CCNY: variants seen among roughly 807,000 people sequenced by gnomAD.
CCNY encodes the protein cyclin-Y.
In CCNY, 19 loss-of-function variants were observed where a neutral mutation model predicts 42.8. That is an observed-to-expected ratio of 0.44 (90% CI 0.31 to 0.65). CCNY has a LOEUF of 0.65. Among genes scored for constraint, CCNY ranks in the 30% least tolerant of loss-of-function variants. The pLI, the probability that CCNY is intolerant of heterozygous loss-of-function variation, is 0.07. For synonymous variants in CCNY, 165 were observed against 162.7 expected (o/e 1.01, Z -0.11); for missense variants, 370 against 437.3 (o/e 0.85, Z 1.37).
At chr10:35,309,618 A>G (rs961804298) in intron 3 of CCNY, among the ~76,000 whole-genome samples, 2 of 151,798 alleles carry the variant, frequency 1.3e-5, no homozygotes, top group Non-Finnish European at 2.9e-5. Flanking sequence ...ATGAGGTCTC[A>G]CTATGTTGCT....
intron 1 of CCNY, among the ~76,000 whole-genome samples, chr10:35,465,940 T>TGA: frequency 1.2e-5 from 1 of 86,686 alleles, no homozygotes; most frequent in South Asian, 3.6e-4. Flanking sequence ...AGAGAGAGAG[T>TGA]GTGTGTGTGT....
intron 8 of CCNY, among the ~76,000 whole-genome samples, chr10:35,560,846 G>C (rs1841451788): frequency 6.6e-6 from 1 of 152,144 alleles, no homozygotes; most frequent in South Asian, 2.1e-4. Context: ...AGGAATTGGT[G>C]GAATTGGACA....
At chr10:35,413,950 C>T (rs1837968688) in intron 1 of CCNY, among the ~76,000 whole-genome samples, 1 of 152,230 alleles carries the variant, frequency 6.6e-6, no homozygotes, top group Non-Finnish European at 1.5e-5. Flanking sequence ...AGCAGAGCCA[C>T]TGAGGCTGAC....
chr10:35,318,968 A>G (rs1247982720), intron 3 of CCNY, among the ~76,000 whole-genome samples: 1 of 151,914 alleles, frequency 6.6e-6, no homozygotes, highest in Non-Finnish European at 1.5e-5. Flanking sequence ...GATTTTCTAT[A>G]GTTTATTTTT....
At position 35,482,312 on chromosome 10, in the gene CCNY, T is replaced by A. The variant is rs545927613; in HGVS notation, c.155-1092T>A. Reference sequence around the variant, plus strand: ...TTTCTCTGCAAATTTATTGAAATAATTGAACCCAAGAAGTTTTATTCTGAC... The same window carrying A: ...TTTCTCTGCAAATTTATTGAAATAAATGAACCCAAGAAGTTTTATTCTGAC... On this transcript the variant is annotated intron_variant, in intron 1 of 9. Coordinates refer to ENST00000374704, the MANE Select transcript of CCNY (RefSeq NM_145012.6). 2.6e-5 allele frequency among the ~76,000 whole-genome samples: 4 copies of A among 152,366 alleles called. No individual in the cohort carries two copies. The South Asian group carries it at 8.3e-4, about 32-fold the overall frequency.
chr10:35,408,894 C>G (rs763736650), intron 1 of CCNY, among the ~76,000 whole-genome samples: 5 of 151,446 alleles, frequency 3.3e-5, no homozygotes, highest in Non-Finnish European at 7.4e-5. Context: ...ATTATTTCAT[C>G]ATAAATGCCT....
intron 1 of CCNY, among the ~76,000 whole-genome samples, chr10:35,429,198 T>A (rs1012733792): frequency 5.9e-5 from 9 of 152,210 alleles, no homozygotes; most frequent in Non-Finnish European, 1.0e-4. Context: ...TGAAACAGAT[T>A]GAACGCTGAA....
chr10:35,442,193 T>A (rs1377050991), intron 1 of CCNY, among the ~76,000 whole-genome samples: 2 of 152,118 alleles, frequency 1.3e-5, no homozygotes, highest in Non-Finnish European at 2.9e-5. Flanking sequence ...CCTGTTTGCG[T>A]TGGAGTGATG....
intron 3 of CCNY, among the ~76,000 whole-genome samples, chr10:35,275,782 T>A (rs1464618374): frequency 1.3e-5 from 2 of 150,572 alleles, no homozygotes; most frequent in Admixed American, 1.3e-4. Context: ...AAAGAGTGTG[T>A]CCAGTCTTAT....
chr10:35,432,781 G>T (rs1286034948), intron 1 of CCNY, among the ~76,000 whole-genome samples: 1 of 152,180 alleles, frequency 6.6e-6, no homozygotes, highest in Non-Finnish European at 1.5e-5. Flanking sequence ...TAACTTTTCT[G>T]TTCTCCCTAG....
chr10:35,264,232 C>CT (rs200963801), intron 3 of CCNY, among the ~76,000 whole-genome samples: 5 of 151,376 alleles, frequency 3.3e-5, no homozygotes, highest in East Asian at 3.9e-4. Context: ...GTATTTCTTT[C>CT]TTTTTTTTTA....
chr10:35,439,804 T>C (rs1294619264), intron 1 of CCNY, among the ~76,000 whole-genome samples: 1 of 152,122 alleles, frequency 6.6e-6, no homozygotes, highest in Non-Finnish European at 1.5e-5. Flanking sequence ...CAGAGGATGG[T>C]GGGCCACTCC....
At chr10:35,333,197 G>A (rs1359011428), upstream of CCNY, among the ~76,000 whole-genome samples, 1 of 152,090 alleles carries the variant, frequency 6.6e-6, no homozygotes, top group Non-Finnish European at 1.5e-5. Context: ...TGCTCAGTGT[G>A]TACCTCTCCC....
At chr10:35,270,686 C>A (rs987905856) in intron 3 of CCNY, among the ~76,000 whole-genome samples, 3 of 151,750 alleles carry the variant, frequency 2.0e-5, no homozygotes, top group African/African-American at 7.3e-5. Flanking sequence ...GAATCTCTAC[C>A]CCTTTTCGCA....
chr10:35,526,800 A>C (rs1406017525), intron 5 of CCNY, among the ~76,000 whole-genome samples: 1 of 151,988 alleles, frequency 6.6e-6, no homozygotes, highest in Non-Finnish European at 1.5e-5. Flanking sequence ...CTTTTATCGG[A>C]TCTTTCCAAA....
At chr10:35,555,529 G>T (rs1841346385) in intron 8 of CCNY, among the ~76,000 whole-genome samples, 1 of 152,154 alleles carries the variant, frequency 6.6e-6, no homozygotes, top group South Asian at 2.1e-4. Context: ...CAAAAGAAAT[G>T]ATTTTTCTGC....
At chr10:35,398,930 A>G (rs1232076403) in intron 1 of CCNY, among the ~76,000 whole-genome samples, 1 of 152,242 alleles carries the variant, frequency 6.6e-6, no homozygotes, top group Admixed American at 6.5e-5. Flanking sequence ...CTTGCCTGAC[A>G]GAGCTGCCCC....
chr10:35,526,534 A>G (rs1840655975), intron 5 of CCNY, among the ~76,000 whole-genome samples: 1 of 152,228 alleles, frequency 6.6e-6, no homozygotes, highest in Non-Finnish European at 1.5e-5. Context: ...AACATAAAAC[A>G]TGTAAGAATA....
chr10:35,291,528 C>CTTTT (rs71523373), intron 3 of CCNY, among the ~76,000 whole-genome samples: 8 of 109,310 alleles, frequency 7.3e-5, no homozygotes, highest in Non-Finnish European at 1.3e-4. Flanking sequence ...GTACGACTTC[C>CTTTT]TTTTTTTTTT....
Sources: gnomAD v4.1 joint callset for allele counts (sites outside exome capture counted in the v4.1 genomes callset) on GRCh38, gnomAD v4.1.1 for gene constraint, MANE v1.5 for transcripts, NCBI Gene and HGNC (gene_info 2026-07-23, HGNC 2026-07-21) for gene names.